Variants in FAM13A observed in about 807,000 individuals in gnomAD.
The protein encoded by FAM13A is family with sequence similarity 13 member A, also known as protein FAM13A.
FAM13A carries 76 observed loss-of-function variants against 129.6 expected under a neutral mutation model. That is an observed-to-expected ratio of 0.59 (90% CI 0.49 to 0.71). The LOEUF (loss-of-function observed/expected upper bound fraction) is 0.71. Ranked by LOEUF, FAM13A falls within the 30% of genes least tolerant of loss-of-function variation. The pLI, the probability that FAM13A is intolerant of heterozygous loss-of-function variation, is 0.00. For synonymous variants in FAM13A, 443 were observed against 449.9 expected (o/e 0.98, Z 0.20); for missense variants, 1,108 against 1,249.3 (o/e 0.89, Z 1.70).
At chr4:89,025,274 T>G (rs1767812642) in intron 2 of FAM13A, among the ~76,000 whole-genome samples, 1 of 103,974 alleles carries the variant, frequency 9.6e-6, no homozygotes, top group African/African-American at 4.2e-5. Flanking sequence ...TTTTTTTTTT[T>G]TGAGACGGAG....
At chr4:88,962,947 A>T (rs1758826949) in intron 4 of FAM13A, among the ~76,000 whole-genome samples, 1 of 136,606 alleles carries the variant, frequency 7.3e-6, no homozygotes, top group Non-Finnish European at 1.6e-5. Context: ...AGTAGCATGT[A>T]TGAATATTTC....
intron 4 of FAM13A, among the ~76,000 whole-genome samples, chr4:88,966,394 G>A (rs1458557): frequency 0.71 from 108,086 of 151,938 alleles, 38,700 homozygotes; most frequent in Middle Eastern, 0.81. Context: ...TGTTCTAGGC[G>A]TTGGCACCAG....
In FAM13A at chr4:89,029,464, C is replaced by G. The variant is rs115145213; in HGVS notation, c.213G>C (p.Gln71His). 12 of 1,595,888 alleles carry G rather than the reference C, an allele frequency of 7.5e-6. No homozygotes were observed. The highest frequency in any genetic ancestry group is 3.7e-5 in the Admixed American group (2 of 54,594). ...VVWNIVEYLT[Q>H]HGLTQEGLFR... Reference sequence around the variant, plus strand: ...CTAAAGCATGACTTAACTCACCATGCTGCGTCAAATATTCCACTATATTCC... The same window carrying G: ...CTAAAGCATGACTTAACTCACCATGGTGCGTCAAATATTCCACTATATTCC... Residue 71 changes from glutamine to histidine, a missense_variant, in exon 2 of 24, where the codon CAG (glutamine) becomes CAC (histidine). Coordinates refer to ENST00000264344, the MANE Select transcript of FAM13A (RefSeq NM_014883.4).
intron 6 of FAM13A, among the ~76,000 whole-genome samples, chr4:88,904,420 T>C (rs1323621480): frequency 6.6e-6 from 1 of 152,144 alleles, no homozygotes; most frequent in African/African-American, 2.4e-5. Context: ...ACATACACCA[T>C]GGAATACTAT....
chr4:88,882,511 T>G (rs932208110), intron 6 of FAM13A, among the ~76,000 whole-genome samples: 1 of 151,498 alleles, frequency 6.6e-6, no homozygotes, highest in Admixed American at 6.6e-5. Context: ...CAAGAAAGGC[T>G]AAAAGGAGCT....
chr4:88,842,398 G>C (rs914820235), intron 7 of FAM13A, among the ~76,000 whole-genome samples: 5 of 152,232 alleles, frequency 3.3e-5, no homozygotes, highest in African/African-American at 1.2e-4. Context: ...CAGGAAGGCA[G>C]GCTTAGCCAG....
chr4:88,743,195 G>A (rs776403084), intron 19 of FAM13A, among the ~76,000 whole-genome samples: 5 of 152,032 alleles, frequency 3.3e-5, no homozygotes, highest in African/African-American at 4.8e-5. Context: ...CGTAAATTTC[G>A]GATATTTCAA....
At chr4:88,834,661 A>G (rs1243215495) in intron 7 of FAM13A, among the ~76,000 whole-genome samples, 4 of 152,224 alleles carry the variant, frequency 2.6e-5, no homozygotes, top group Non-Finnish European at 5.9e-5. Context: ...TTTAAAACAA[A>G]TCAATCCAAT....
At chr4:88,760,980 A>G (rs1467332810) in intron 13 of FAM13A, among the ~76,000 whole-genome samples, 1 of 152,218 alleles carries the variant, frequency 6.6e-6, no homozygotes, top group African/African-American at 2.4e-5. Flanking sequence ...TTTCATTTTT[A>G]AAGTATGGTA....
intron 7 of FAM13A, among the ~76,000 whole-genome samples, chr4:88,811,589 G>A (rs1177977570): frequency 7.5e-6 from 1 of 133,678 alleles, no homozygotes; most frequent in Admixed American, 8.0e-5. Flanking sequence ...AAAAGGAACA[G>A]AGTTCTTAAG....
chr4:88,895,512 C>G (rs1162661921), intron 6 of FAM13A, among the ~76,000 whole-genome samples: 2 of 149,860 alleles, frequency 1.3e-5, no homozygotes, highest in Non-Finnish European at 3.0e-5. Context: ...ATTTTTGCAA[C>G]CTACTCATCT....
At chr4:88,738,190 G>A (rs1236588445) in intron 20 of FAM13A, among the ~76,000 whole-genome samples, 2 of 152,166 alleles carry the variant, frequency 1.3e-5, no homozygotes, top group African/African-American at 2.4e-5. Flanking sequence ...ATTTAAGGCC[G>A]GGCCAGACAG....
chr4:88,956,561 T>G (rs1444759257), intron 4 of FAM13A, among the ~76,000 whole-genome samples: 1 of 152,236 alleles, frequency 6.6e-6, no homozygotes, highest in African/African-American at 2.4e-5. Flanking sequence ...CCAAGGTCAC[T>G]ATACTAGATT....
At chr4:88,991,962 C>T (rs1455096278) in intron 3 of FAM13A, among the ~76,000 whole-genome samples, 1 of 152,150 alleles carries the variant, frequency 6.6e-6, no homozygotes, top group African/African-American at 2.4e-5. Flanking sequence ...TCCCACCATC[C>T]TCCAAATGAT....
rs943516766 is a variant in FAM13A, at chr4:89,005,077, C to T, written c.428-13927G>A. 3.3e-5 allele frequency among the ~76,000 whole-genome samples: 5 copies of T among 151,752 alleles called. No individual in the cohort carries two copies. In the East Asian group the frequency reaches 5.8e-4, roughly 18 times the overall value. On this transcript the variant is annotated intron_variant, in intron 3 of 23. Transcript: ENST00000264344. ...TCCTCTCCCTCCACTCACACTCCAT[C>T]CTCAAGTAGACCTAGTGTCTGTTGT...
At chr4:88,932,460 G>C (rs889233267) in intron 5 of FAM13A, among the ~76,000 whole-genome samples, 2 of 152,132 alleles carry the variant, frequency 1.3e-5, no homozygotes, top group Non-Finnish European at 2.9e-5. Context: ...CCAAGGACAG[G>C]GACATGTCTT....
chr4:88,764,331 C>A (rs1353694975), intron 13 of FAM13A, among the ~76,000 whole-genome samples: 1 of 152,126 alleles, frequency 6.6e-6, no homozygotes, highest in African/African-American at 2.4e-5. Context: ...CCTTGTAATT[C>A]TGACATAAAA....
At chr4:89,025,014 T>A (rs1767743075) in intron 2 of FAM13A, among the ~76,000 whole-genome samples, 1 of 152,186 alleles carries the variant, frequency 6.6e-6, no homozygotes. Context: ...TGTTAAAGTA[T>A]AACTAACAGT....
At chr4:89,025,275 T>G (rs1317235193) in intron 2 of FAM13A, among the ~76,000 whole-genome samples, 1 of 109,446 alleles carries the variant, frequency 9.1e-6, no homozygotes, top group East Asian at 2.8e-4. Flanking sequence ...TTTTTTTTTT[T>G]GAGACGGAGT....
Sources: gnomAD v4.1 joint callset for allele counts (sites outside exome capture counted in the v4.1 genomes callset) on GRCh38, gnomAD v4.1.1 for gene constraint, MANE v1.5 for transcripts, NCBI Gene and HGNC (gene_info 2026-07-23, HGNC 2026-07-21) for gene names.